Variants in SKAP2 observed in about 807,000 individuals in gnomAD.
SKAP2 encodes src kinase-associated phosphoprotein 2.
In SKAP2, 28 loss-of-function variants were observed where a neutral mutation model predicts 54.9. The ratio of observed to expected loss-of-function variants is 0.51; its 90% confidence interval spans 0.38 to 0.70. The LOEUF (loss-of-function observed/expected upper bound fraction) is 0.70, where lower values mean the gene tolerates loss of function less well. Ranked by LOEUF, SKAP2 falls within the 30% of genes least tolerant of loss-of-function variation. The probability of loss-of-function intolerance (pLI) is 0.00; values close to 1 mark genes in which losing one functional copy is unlikely to be tolerated. For synonymous variants in SKAP2, 137 were observed against 134.3 expected (o/e 1.02, Z -0.14); for missense variants, 356 against 424.1 (o/e 0.84, Z 1.41).
chr7:26,816,137 A>G (rs1784260964), intron 4 of SKAP2, among the ~76,000 whole-genome samples: 1 of 152,130 alleles, frequency 6.6e-6, no homozygotes, highest in Admixed American at 6.6e-5. Flanking sequence ...TTTGCTTATA[A>G]AAAGAAGCAT....
rs1435358707 is a variant in SKAP2 at position 26,725,493 on chromosome 7, A to G, written c.731T>C (p.Leu244Pro). ...GCTTGTTAGTGGATTGCTTATTGGT[A>G]GAGGATGATCAACATCATCATATAA... ...GELYDDVDHP[L>P]PISNPLTSSQ... Residue 244 changes from leucine to proline, a missense_variant, in exon 9 of 13, where the codon CTA becomes CCA. Leu to Pro is a moderately conservative substitution (Grantham distance 98). Coordinates refer to ENST00000345317, the MANE Select transcript of SKAP2 (RefSeq NM_003930.5). The G allele has an allele frequency of 1.2e-6, 2 of 1,612,374 alleles. No homozygotes were observed. Among genetic ancestry groups the G allele is most frequent in the East Asian group, 2.2e-5 (1 of 44,836 alleles).
rs150831151 is a variant in SKAP2 at position 26,860,992 on chromosome 7, A to G, written c.67+3371T>C. The stretch of plus-strand genomic sequence containing the variant: ...TTGGTTTGGTTTGATTTTTCAGAGC[A>G]CTAACAATCACTATTTTCTTCTTTT... On this transcript the variant is annotated intron_variant, in intron 1 of 12. Transcript: ENST00000345317. Among the ~76,000 whole-genome samples, 16 of 152,096 alleles carry G rather than the reference A, an allele frequency of 1.1e-4. No individual in the cohort carries two copies. The East Asian group carries it at 2.9e-3, about 28-fold the overall frequency.
At chr7:26,737,843 GATTT>G (rs1225993214) in intron 6 of SKAP2, among the ~76,000 whole-genome samples, 5 of 152,166 alleles carry the variant, frequency 3.3e-5, no homozygotes, top group Admixed American at 3.3e-4. Context: ...ACAACTGAGA[GATTT>G]ATTAATTAAC....
At chr7:26,857,877 T>G in intron 1 of SKAP2, 4 of 244,340 alleles carry the variant, frequency 1.6e-5, no homozygotes, top group Non-Finnish European at 2.6e-5. Flanking sequence ...AACGGTAAAC[T>G]AGCAAGCACA....
rs186853820 is a variant in SKAP2, at chr7:26,701,908, C to A, written c.797-11546G>T. Among the ~76,000 whole-genome samples, 712 of 151,758 alleles carry A rather than the reference C, an allele frequency of 4.7e-3. 4 individuals carry two copies. Among genetic ancestry groups the A allele is most frequent in the African/African-American group, 0.016 (679 of 41,378 alleles). On this transcript the variant is annotated intron_variant, in intron 9 of 12. Transcript: ENST00000345317. ...GTTTGTCATTAATACCACAAAATACCACAATATTTTTGCTTATTCTTTCCC... is the reference window on the plus strand; with the variant it reads ...GTTTGTCATTAATACCACAAAATACAACAATATTTTTGCTTATTCTTTCCC...
chr7:26,703,153 C>G (rs796262925), intron 9 of SKAP2, among the ~76,000 whole-genome samples: 8 of 152,318 alleles, frequency 5.3e-5, no homozygotes, highest in African/African-American at 1.9e-4. Context: ...AACCTTTTGG[C>G]TTCTCTGGGC....
chr7:26,787,203 T>C (rs957514240), intron 4 of SKAP2, among the ~76,000 whole-genome samples: 43 of 152,188 alleles, frequency 2.8e-4, no homozygotes, highest in African/African-American at 8.9e-4. Flanking sequence ...TGCACTGCTA[T>C]AAAAAATATC....
At chr7:26,854,678 CTG>C (rs1554308584) in intron 2 of SKAP2, 105 bp downstream of exon 2, 1 of 1,160,042 alleles carries the variant, frequency 8.6e-7, no homozygotes, top group Non-Finnish European at 1.2e-6. Flanking sequence ...ATCAGTTAAA[CTG>C]GAACATGAAA....
Position 26,739,877 on chromosome 7 carries a change from T to C in SKAP2, c.385+10A>G. 6.3e-7 allele frequency: 1 copy of C among 1,590,506 alleles called. No individual in the cohort carries two copies. The highest frequency in any genetic ancestry group is 8.6e-7 in the Non-Finnish European group (1 of 1,160,736). ...TATTTTTACATTTTTCATTAGAACC[T>C]TCAGTTTACCTTTTCTGCGTTTTTC... On this transcript the variant is annotated intron_variant, in intron 5 of 12. Coordinates refer to ENST00000345317, the MANE Select transcript of SKAP2 (RefSeq NM_003930.5).
intron 9 of SKAP2, among the ~76,000 whole-genome samples, chr7:26,705,193 C>T (rs1177804247): frequency 6.6e-6 from 1 of 152,188 alleles, no homozygotes; most frequent in Non-Finnish European, 1.5e-5. Context: ...CAAATAACAA[C>T]TGATTTTTTT....
intron 11 of SKAP2, among the ~76,000 whole-genome samples, chr7:26,684,482 A>G (rs1227555557): frequency 6.6e-6 from 1 of 152,210 alleles, no homozygotes; most frequent in African/African-American, 2.4e-5. Flanking sequence ...TGGAGAAGGC[A>G]GTAGGTGGAT....
chr7:26,775,890 G>T (rs1783295838), intron 4 of SKAP2, among the ~76,000 whole-genome samples: 1 of 152,024 alleles, frequency 6.6e-6, no homozygotes. Context: ...TTGTTGACTG[G>T]TATTCCAAGG....
rs145008875 is a variant in SKAP2, at chr7:26,747,361, T to C, written c.308-7397A>G. Reference sequence around the variant, plus strand: ...ATAGAATTCTCAGGAGGGTTATGCTTTGGGGAAAAGGCTTTAAAAACTGAT... The same window carrying C: ...ATAGAATTCTCAGGAGGGTTATGCTCTGGGGAAAAGGCTTTAAAAACTGAT... On this transcript the variant is annotated intron_variant, in intron 4 of 12. Transcript: ENST00000345317. Among the ~76,000 whole-genome samples, 23 of 152,218 alleles carry C rather than the reference T, an allele frequency of 1.5e-4. No homozygotes were observed. The East Asian group carries it at 4.1e-3, about 27-fold the overall frequency.
chr7:26,860,532 G>T (rs1785253910), intron 1 of SKAP2, among the ~76,000 whole-genome samples: 1 of 152,012 alleles, frequency 6.6e-6, no homozygotes, highest in Non-Finnish European at 1.5e-5. Context: ...GTGCTAAGGA[G>T]GTAGGTGACT....
chr7:26,798,276 C>G (rs939063249), intron 4 of SKAP2, among the ~76,000 whole-genome samples: 1 of 151,792 alleles, frequency 6.6e-6, no homozygotes, highest in Non-Finnish European at 1.5e-5. Flanking sequence ...GAGAGAGTGG[C>G]ATGACATGTT....
intron 9 of SKAP2, among the ~76,000 whole-genome samples, chr7:26,708,170 A>T (rs1218570021): frequency 6.6e-6 from 1 of 152,178 alleles, no homozygotes; most frequent in Non-Finnish European, 1.5e-5. Context: ...GGCAATGTGA[A>T]TTGTTATTTT....
rs1045955040 is a variant in SKAP2, at chr7:26,738,050, G to T, written c.469+745C>A. On this transcript the variant is annotated intron_variant, in intron 6 of 12. Coordinates refer to ENST00000345317, the MANE Select transcript of SKAP2 (RefSeq NM_003930.5). ...CACTTGAGCCCAGGAGTTTGAGGCT[G>T]CAGGGTGTGATGACTACACCTGTGA... Among the ~76,000 whole-genome samples, 6 of 152,226 alleles carry T rather than the reference G, an allele frequency of 3.9e-5. 1 individual carries two copies. Among genetic ancestry groups the T allele is most frequent in the East Asian group, 1.9e-4 (1 of 5,182 alleles).
chr7:26,833,057 C>A (rs951693943), intron 4 of SKAP2, among the ~76,000 whole-genome samples: 1 of 152,102 alleles, frequency 6.6e-6, no homozygotes, highest in South Asian at 2.1e-4. Flanking sequence ...AAGAGAGAAG[C>A]TGAGCAGTGT....
intron 9 of SKAP2, among the ~76,000 whole-genome samples, chr7:26,697,184 A>AC (rs1373213658): frequency 6.6e-6 from 1 of 152,118 alleles, no homozygotes; most frequent in Non-Finnish European, 1.5e-5. Context: ...TGCACACTGT[A>AC]CCCTTCTCCC....
Sources: gnomAD v4.1 joint callset for allele counts (sites outside exome capture counted in the v4.1 genomes callset) on GRCh38, gnomAD v4.1.1 for gene constraint, MANE v1.5 for transcripts, NCBI Gene and HGNC (gene_info 2026-07-23, HGNC 2026-07-21) for gene names.